Variants in SNAP25 observed in about 807,000 individuals in gnomAD.
SNAP25 encodes synaptosome associated protein 25, also known as synaptosomal-associated protein 25.
In SNAP25, 3 loss-of-function variants were observed where a neutral mutation model predicts 28.7. The ratio of observed to expected loss-of-function variants is 0.10; its 90% CI spans 0.05 to 0.27. The LOEUF is 0.27. Among genes scored for constraint, SNAP25 ranks in the 10% least tolerant of loss-of-function variants. SNAP25 has a pLI of 1.00. For missense variants in SNAP25, 117 were observed against 278.7 expected, an observed-to-expected ratio of 0.42 and a Z score of 4.13; for synonymous variants, 61 against 88.1, an observed-to-expected ratio of 0.69 and a Z score of 1.72.
At chr20:10,288,847 T>C (rs1392570264) in intron 4 of SNAP25, among the ~76,000 whole-genome samples, 1 of 151,492 alleles carries the variant, frequency 6.6e-6, no homozygotes, top group African/African-American at 2.4e-5. Context: ...AATTAGGCAG[T>C]AGAGACACAG....
At chr20:10,220,192 C>A (rs1408368576) in intron 1 of SNAP25, among the ~76,000 whole-genome samples, 1 of 152,098 alleles carries the variant, frequency 6.6e-6, no homozygotes, top group South Asian at 2.1e-4. Flanking sequence ...CTGAACTAAG[C>A]AGAATCAACT....
chr20:10,283,082 T>C (rs550557353), intron 3 of SNAP25, among the ~76,000 whole-genome samples: 3 of 152,324 alleles, frequency 2.0e-5, no homozygotes, highest in Non-Finnish European at 2.9e-5. Flanking sequence ...CATATGCACA[T>C]TCCAGTTTGA....
At position 10,277,701 on chromosome 20, in the gene SNAP25, G is replaced by T; in HGVS notation, c.89G>T (p.Arg30Leu). Residue 30 changes from arginine to leucine, a missense_variant, in exon 3 of 8, where the codon CGT becomes CTT. Coordinates refer to ENST00000254976, the MANE Select transcript of SNAP25 (RefSeq NM_130811.4). ...QLADESLEST[R>L]RMLQLVEESK... is the part of the protein sequence containing the mutation. ...AAATCTTAGTCGCTGGAAAGCACCC[G>T]TCGTATGCTGCAACTGGTTGAAGAG... 1 of 1,613,632 alleles carries T rather than the reference G, an allele frequency of 6.2e-7. No individual in the cohort carries two copies. The highest frequency in any genetic ancestry group is 8.5e-7 in the Non-Finnish European group (1 of 1,179,934).
intron 4 of SNAP25, among the ~76,000 whole-genome samples, chr20:10,290,925 C>T (rs2063983963): frequency 1.3e-5 from 2 of 151,872 alleles, no homozygotes; most frequent in South Asian, 4.1e-4. Flanking sequence ...TTCCCCACAC[C>T]AGTCCCTCCA....
rs363045 is a variant in SNAP25, at chr20:10,246,398, G to T, written c.-64+27421G>T. ...GAGGGAGGGGAATTGCACTTACAAGGTTCTCCTTATCAATGAAGACAGAAT... is the reference window on the plus strand; with the variant it reads ...GAGGGAGGGGAATTGCACTTACAAGTTTCTCCTTATCAATGAAGACAGAAT... On this transcript the variant is annotated intron_variant, in intron 1 of 7. Coordinates refer to ENST00000254976, the MANE Select transcript of SNAP25 (RefSeq NM_130811.4). Among the ~76,000 whole-genome samples, 329 of 152,264 alleles carry T rather than the reference G, an allele frequency of 2.2e-3. 1 individual carries two copies. The highest frequency in any genetic ancestry group is 6.4e-3 in the African/African-American group (265 of 41,542).
chr20:10,284,594 T>A, intron 3 of SNAP25, 130 bp from the exon 4 acceptor site: 2 of 736,946 alleles, frequency 2.7e-6, no homozygotes, highest in East Asian at 5.1e-5. Context: ...CTTGTCATAC[T>A]TTCTCCCTTT....
At chr20:10,267,786 G>A in intron 1 of SNAP25, among the ~76,000 whole-genome samples, 1 of 152,206 alleles carries the variant, frequency 6.6e-6, no homozygotes, top group Non-Finnish European at 1.5e-5. Flanking sequence ...TCTTGACCTT[G>A]TGATCTGCCC....
rs3830760 is a variant in SNAP25, at chr20:10,299,100, AT to A, written c.408-160del. On this transcript the variant is annotated intron_variant, in intron 6 of 7. Transcript: ENST00000254976. ...AAGGGTTCAAAAAGCAATTTTAAAC[AT>A]TTTTTTTAAATGTATGAAAGCTAAA... 0.13 allele frequency among the ~76,000 whole-genome samples: 20,485 copies of A among 151,926 alleles called. 1,522 individuals are homozygous for A. The highest frequency in any genetic ancestry group is 0.19 in the Admixed American group (2,960 of 15,260).
intron 4 of SNAP25, among the ~76,000 whole-genome samples, chr20:10,288,988 A>G (rs1351570738): frequency 6.6e-6 from 1 of 152,120 alleles, no homozygotes; most frequent in African/African-American, 2.4e-5. Flanking sequence ...ATGCTCTACT[A>G]ATTTTGTTTA....
At chr20:10,265,356 T>TACTTTTTGTACTGTTTG (rs2063489556) in intron 1 of SNAP25, among the ~76,000 whole-genome samples, 1 of 152,232 alleles carries the variant, frequency 6.6e-6, no homozygotes, top group Non-Finnish European at 1.5e-5. Context: ...TTTGCTCTGG[T>TACTTTTTGTACTGTTTG]CCTTAGTTTG....
chr20:10,256,654 A>G (rs1053354264), intron 1 of SNAP25, among the ~76,000 whole-genome samples: 1 of 152,212 alleles, frequency 6.6e-6, no homozygotes. Context: ...GGAATCTATT[A>G]TAAGGAAATA....
intron 1 of SNAP25, among the ~76,000 whole-genome samples, chr20:10,263,254 C>T (rs1165876156): frequency 6.6e-6 from 1 of 151,732 alleles, no homozygotes. Flanking sequence ...CTCCTGACCT[C>T]ATGATCCGCC....
chr20:10,301,499 C>G (rs936252588), intron 7 of SNAP25, among the ~76,000 whole-genome samples: 1 of 152,096 alleles, frequency 6.6e-6, no homozygotes, highest in Non-Finnish European at 1.5e-5. Flanking sequence ...GCATGAACTG[C>G]ACAATTATTA....
intron 1 of SNAP25, among the ~76,000 whole-genome samples, chr20:10,264,805 T>C (rs1045026946): frequency 6.6e-6 from 1 of 152,072 alleles, no homozygotes; most frequent in Non-Finnish European, 1.5e-5. Context: ...TTGTTGAAAA[T>C]GCAGATGCTA....
intron 1 of SNAP25, among the ~76,000 whole-genome samples, chr20:10,228,233 C>T (rs1212083892): frequency 6.6e-6 from 1 of 152,108 alleles, no homozygotes; most frequent in Non-Finnish European, 1.5e-5. Flanking sequence ...AAGTAACTAA[C>T]TTCCTAAATG....
intron 6 of SNAP25, among the ~76,000 whole-genome samples, chr20:10,297,910 T>C (rs914234225): frequency 6.6e-6 from 1 of 152,120 alleles, no homozygotes; most frequent in Admixed American, 6.5e-5. Flanking sequence ...TGATTTATTT[T>C]GAAACCTAGA....
chr20:10,283,749 G>T (rs1336645176), intron 3 of SNAP25, among the ~76,000 whole-genome samples: 1 of 152,012 alleles, frequency 6.6e-6, no homozygotes, highest in Non-Finnish European at 1.5e-5. Flanking sequence ...ATTTCTTCTG[G>T]GGGTACCATG....
intron 1 of SNAP25, among the ~76,000 whole-genome samples, chr20:10,273,085 A>G (rs1250547259): frequency 2.6e-5 from 4 of 152,226 alleles, no homozygotes; most frequent in Non-Finnish European, 1.5e-5. Flanking sequence ...CCCCAGGATC[A>G]GATCTAGGAC....
At chr20:10,233,571 A>G (rs2062863792) in intron 1 of SNAP25, among the ~76,000 whole-genome samples, 1 of 152,190 alleles carries the variant, frequency 6.6e-6, no homozygotes, top group East Asian at 1.9e-4. Flanking sequence ...TTGAGAAGGT[A>G]AGCATTAAGG....
Sources: gnomAD v4.1 joint callset for allele counts (sites outside exome capture counted in the v4.1 genomes callset) on GRCh38, gnomAD v4.1.1 for gene constraint, MANE v1.5 for transcripts, NCBI Gene and HGNC (gene_info 2026-07-23, HGNC 2026-07-21) for gene names.